Variants in GPR161 observed in about 807,000 individuals in gnomAD.
GPR161 encodes the protein G-protein coupled receptor RE2.
A neutral mutation model predicts 39.2 loss-of-function variants in GPR161; 25 were observed. The ratio of observed to expected loss-of-function variants is 0.64; its 90% CI spans 0.47 to 0.89. GPR161 has a LOEUF of 0.89. GPR161 is among the 40% of genes least tolerant of loss of function. The pLI is 0.00. For missense variants in GPR161, 547 were observed against 677.8 expected (o/e 0.81, Z 2.14); for synonymous variants, 286 against 276.6 (o/e 1.03, Z -0.34).
At chr1:168,091,222 G>A (rs959183689) in intron 3 of GPR161, among the ~76,000 whole-genome samples, 1 of 152,126 alleles carries the variant, frequency 6.6e-6, no homozygotes, top group African/African-American at 2.4e-5. Context: ...GAACGGGGTT[G>A]GGGGGTAGGG....
chr1:168,087,941 C>G (rs1694704658), intron 4 of GPR161: 1 of 446,622 alleles, frequency 2.2e-6, no homozygotes, highest in African/African-American at 2.0e-5. Context: ...GCCAAGTTAT[C>G]TGAAGTAGGG....
intron 1 of GPR161, among the ~76,000 whole-genome samples, chr1:168,124,862 C>T (rs955922220): frequency 1.3e-5 from 2 of 152,160 alleles, no homozygotes; most frequent in African/African-American, 4.8e-5. Context: ...CCCTCTCATG[C>T]TGTGTGGCAT....
upstream of GPR161, chr1:168,137,064 C>T (rs1408899345): frequency 5.1e-6 from 5 of 988,110 alleles, no homozygotes; most frequent in Non-Finnish European, 6.0e-6. Flanking sequence ...CCTCCCCACC[C>T]GCGCCCCTTC....
intron 1 of GPR161, among the ~76,000 whole-genome samples, chr1:168,133,429 A>G (rs1699148500): frequency 6.6e-6 from 1 of 152,208 alleles, no homozygotes; most frequent in East Asian, 1.9e-4. Flanking sequence ...GAAAATCTAA[A>G]TTAAATTGGA....
intron 4 of GPR161, chr1:168,088,049 T>C: frequency 4.9e-6 from 1 of 204,960 alleles, no homozygotes; most frequent in East Asian, 1.3e-4. Context: ...GAGAGGGTCC[T>C]ACTAAAAGGA....
At chr1:168,111,249 G>T (rs1697143035) in intron 1 of GPR161, among the ~76,000 whole-genome samples, 1 of 152,170 alleles carries the variant, frequency 6.6e-6, no homozygotes, top group African/African-American at 2.4e-5. Flanking sequence ...TTAACTAGCA[G>T]ACCTCTGACT....
rs1413974373 is a variant in GPR161 at position 168,082,146 on chromosome 1, A to G, written c.*3385T>C. ...GTTCACTTGTTTACAGAAAGACCAC[A>G]TAGTAGCTCCTCAAATAAGAATCAA... is the stretch of plus-strand genomic sequence containing the variant. On this transcript the variant is annotated 3_prime_UTR_variant, in exon 6 of 6. Transcript: ENST00000682931. The G allele has an allele frequency of 6.6e-6, 1 of 152,222 alleles. No homozygotes were observed. Among genetic ancestry groups the G allele is most frequent in the African/African-American group, 2.4e-5 (1 of 41,446 alleles). 9.4% of individuals were successfully genotyped at this position (152,222 alleles called of 1,614,324 possible).
chr1:168,091,428 C>T (rs1367914592), intron 3 of GPR161, among the ~76,000 whole-genome samples: 1 of 152,162 alleles, frequency 6.6e-6, no homozygotes, highest in Non-Finnish European at 1.5e-5. Flanking sequence ...CTGGAGACTG[C>T]AGAACTCTTC....
At chr1:168,100,827 A>G (rs1308034104) in intron 2 of GPR161, among the ~76,000 whole-genome samples, 1 of 152,244 alleles carries the variant, frequency 6.6e-6, no homozygotes, top group African/African-American at 2.4e-5. Flanking sequence ...GTGATGTGGA[A>G]TGAAAATATG....
At chr1:168,126,904 C>G (rs1698634148) in intron 1 of GPR161, among the ~76,000 whole-genome samples, 1 of 152,160 alleles carries the variant, frequency 6.6e-6, no homozygotes, top group Admixed American at 6.5e-5. Flanking sequence ...TCCACTTAAA[C>G]CTGATATCGA....
In GPR161 at chr1:168,084,233, G is replaced by C. The variant is rs1209617770; in HGVS notation, c.*1298C>G. 1 of 161,120 alleles carries C rather than the reference G, an allele frequency of 6.2e-6. No homozygotes were observed. Among genetic ancestry groups the C allele is most frequent in the African/African-American group, 2.4e-5 (1 of 41,458 alleles). 10.0% of individuals were successfully genotyped at this position (161,120 alleles called of 1,614,324 possible). ...TGCTCTAATGGACAGGGCAGACAAA[G>C]CCACAGAACCTTGATCTGCCTGCAC... On this transcript the variant is annotated 3_prime_UTR_variant, in exon 6 of 6. Coordinates refer to ENST00000682931, the MANE Select transcript of GPR161 (RefSeq NM_001375883.1).
At chr1:168,120,088 C>A (rs1173187543) in intron 1 of GPR161, among the ~76,000 whole-genome samples, 1 of 152,152 alleles carries the variant, frequency 6.6e-6, no homozygotes, top group Non-Finnish European at 1.5e-5. Flanking sequence ...AAAGATAGAT[C>A]CACTGACAAC....
At position 168,103,441 on chromosome 1, in the gene GPR161, A is replaced by G. The variant is rs192968471; in HGVS notation, c.374+1036T>C. On this transcript the variant is annotated intron_variant, in intron 2 of 5. Transcript: ENST00000682931. ...TACTACTCAGGGAAAAAAAAAAAAA[A>G]AGAGAAGCTAATTGATTTGTTTTGA... Among the ~76,000 whole-genome samples, 177 of 150,306 alleles carry G rather than the reference A, an allele frequency of 1.2e-3. 1 individual carries two copies. The highest frequency in any genetic ancestry group is 3.4e-3 in the Middle Eastern group (1 of 292).
At chr1:168,106,167 C>G (rs1029473919) in intron 1 of GPR161, among the ~76,000 whole-genome samples, 2 of 152,176 alleles carry the variant, frequency 1.3e-5, no homozygotes, top group African/African-American at 4.8e-5. Context: ...GTCTATGACT[C>G]TCTTGATTTG....
At chr1:168,131,226 C>T (rs1480773230) in intron 1 of GPR161, among the ~76,000 whole-genome samples, 1 of 151,652 alleles carries the variant, frequency 6.6e-6, no homozygotes, top group Non-Finnish European at 1.5e-5. Context: ...CCACCCTTAC[C>T]CCCCACACCA....
At chr1:168,090,966 G>GA (rs1436872480) in intron 3 of GPR161, among the ~76,000 whole-genome samples, 1 of 152,250 alleles carries the variant, frequency 6.6e-6, no homozygotes, top group Non-Finnish European at 1.5e-5. Flanking sequence ...AGGCAGGAGG[G>GA]AAAATGTGAG....
At chr1:168,109,872 C>T (rs773199121) in intron 1 of GPR161, among the ~76,000 whole-genome samples, 37 of 151,900 alleles carry the variant, frequency 2.4e-4, no homozygotes, top group Non-Finnish European at 4.3e-4. Flanking sequence ...GAGGCCGAGG[C>T]GGAGAATTGC....
rs554353721 is a variant in GPR161 at position 168,114,727 on chromosome 1, T to C, written c.-44-9833A>G. On this transcript the variant is annotated intron_variant, in intron 1 of 5. Transcript: ENST00000682931. ...TTATTGTGAGCACTGAGTTCATTTG[T>C]ATAAAGTGCCTGGAGCAGCATCTGG... is the stretch of plus-strand genomic sequence containing the variant. 2.6e-5 allele frequency among the ~76,000 whole-genome samples: 4 copies of C among 152,372 alleles called. No individual in the cohort carries two copies. The South Asian group carries it at 6.2e-4, about 24-fold the overall frequency.
chr1:168,087,739 C>T (rs747802979), intron 4 of GPR161, 35 bp from the exon 5 acceptor site: 2 of 1,579,522 alleles, frequency 1.3e-6, no homozygotes, highest in Admixed American at 1.7e-5. Context: ...TATGTAACTA[C>T]AATCTAAAGT....
Sources: allele counts gnomAD v4.1 joint callset (sites outside exome capture counted in the v4.1 genomes callset), GRCh38; gene constraint gnomAD v4.1.1; transcripts MANE v1.5; gene names NCBI Gene and HGNC (gene_info 2026-07-23, HGNC 2026-07-21).